The following FAM78A variants were observed in gnomAD, a reference collection of about 807,000 sequenced individuals.
FAM78A encodes protein FAM78A.
In FAM78A, 12 loss-of-function variants were observed where a neutral mutation model predicts 22.6. The ratio of observed to expected loss-of-function variants is 0.53; its 90% CI spans 0.34 to 0.86. FAM78A has a LOEUF of 0.86. Ranked by LOEUF, FAM78A falls within the 40% of genes least tolerant of loss-of-function variation. The pLI, the probability that FAM78A is intolerant of heterozygous loss-of-function variation, is 0.02. For missense variants in FAM78A, 322 were observed against 396.1 expected (o/e 0.81, Z 1.59); for synonymous variants, 151 against 155.8 (o/e 0.97, Z 0.23).
At chr9:131,263,670 A>C (rs1477537780) in intron 1 of FAM78A, 1 of 156,504 alleles carries the variant, frequency 6.4e-6, no homozygotes, top group Admixed American at 6.5e-5. Flanking sequence ...GCTTTACCAT[A>C]ATTTTAAAAA....
rs1339097408 is a variant in FAM78A, at chr9:131,275,628, C to T, written c.323+229G>A. Among the ~76,000 whole-genome samples, 2 of 152,224 alleles carry T rather than the reference C, an allele frequency of 1.3e-5. No individual in the cohort carries two copies. The highest frequency in any genetic ancestry group is 2.9e-5 in the Non-Finnish European group (2 of 68,048). ...GAAGGACACAGGAACCCGGGGGGAA[C>T]AGTGGCAGGGTAGATTGCAGGACCG... On this transcript the variant is annotated intron_variant, in intron 1 of 1. Coordinates refer to ENST00000372271, the MANE Select transcript of FAM78A (RefSeq NM_033387.4). This position sits in a 1 kb window ranked among gnomAD's most constrained non-coding sequence, Gnocchi z 4.6.
rs754847204 is a variant in FAM78A, at chr9:131,260,826, C to A, written c.848G>T (p.Arg283Leu). 1.2e-5 allele frequency: 18 copies of A among 1,516,272 alleles called. No individual in the cohort carries two copies. Among genetic ancestry groups the A allele is most frequent in the Non-Finnish European group, 1.6e-5 (18 of 1,133,110 alleles). 93.9% of individuals were successfully genotyped at this position (1,516,272 alleles called of 1,614,324 possible). The change falls in exon 2 of 2, where the codon CGG (arginine) becomes CTG (leucine). Residue 283 changes from arginine to leucine, a missense_variant. Arg to Leu is a moderately radical substitution (Grantham distance 102). Coordinates refer to ENST00000372271, the MANE Select transcript of FAM78A (RefSeq NM_033387.4). This position sits in a 1 kb window ranked among gnomAD's most constrained non-coding sequence, Gnocchi z 5.4. The stretch of plus-strand genomic sequence containing the variant: ...CCTAGCGGGTGGTCCTGGCTGTCAC[C>A]GGTGCTTGGGCGGGATCACCACCAG... ...QPLVVIPPKH[R>L]
chr9:131,264,771 T>A, intron 1 of FAM78A: 1 of 593,672 alleles, frequency 1.7e-6, no homozygotes, highest in Non-Finnish European at 3.0e-6. Context: ...TCACTCAGGC[T>A]GGAGTGCAGT....
At chr9:131,270,513 AT>A in intron 1 of FAM78A, 1 of 715,392 alleles carries the variant, frequency 1.4e-6, no homozygotes, top group Middle Eastern at 2.3e-4. Flanking sequence ...GGCTGCAGCA[AT>A]CCCTTGGCCA....
At chr9:131,270,415 A>C (rs924336665) in intron 1 of FAM78A, 1 of 717,476 alleles carries the variant, frequency 1.4e-6, no homozygotes, top group African/African-American at 1.7e-5. Context: ...TCAGTATGTA[A>C]CTTGTCATTT....
chr9:131,275,837 T>G lies in FAM78A; in HGVS notation c.323+20A>C, dbSNP rs761226112. The G allele has an allele frequency of 1.5e-5, 24 of 1,554,312 alleles. No individual in the cohort carries two copies. Among genetic ancestry groups the G allele is most frequent in the Non-Finnish European group, 1.8e-5 (21 of 1,148,184 alleles). Reference sequence around the variant, plus strand: ...GGCCATCCCTAGCAGTTCCCAGAGCTGGCTCTCGGCCGTACTCACATGCCC... The same window carrying G: ...GGCCATCCCTAGCAGTTCCCAGAGCGGGCTCTCGGCCGTACTCACATGCCC... On this transcript the variant is annotated intron_variant, in intron 1 of 1. Coordinates refer to ENST00000372271, the MANE Select transcript of FAM78A (RefSeq NM_033387.4). The surrounding 1 kb of genome is among the most constrained non-coding windows in gnomAD (Gnocchi z 4.6).
At chr9:131,279,653 C>CG (rs963521654), upstream of FAM78A, among the ~76,000 whole-genome samples, 1 of 152,170 alleles carries the variant, frequency 6.6e-6, no homozygotes, top group African/African-American at 2.4e-5. Context: ...GGTGATTTCC[C>CG]GGGGGTGGGC....
In FAM78A at chr9:131,264,699, C is replaced by T. The variant is rs1255962333; in HGVS notation, c.324-3349G>A. The T allele has an allele frequency of 5.9e-6, 4 of 674,262 alleles. No individual in the cohort carries two copies. The East Asian group carries it at 1.1e-4, about 18-fold the overall frequency. 41.8% of individuals were successfully genotyped at this position (674,262 alleles called of 1,614,324 possible). A position where few individuals can be genotyped will look rare whatever the true frequency, so the allele number is the denominator to read the frequency against. ...GGTAGCCCTGATTTGACCCAAAGCC[C>T]TAATTTGACCTGAAGCCTTTTCTGA... is the stretch of plus-strand genomic sequence containing the variant. On this transcript the variant is annotated intron_variant, in intron 1 of 1. Coordinates refer to ENST00000372271, the MANE Select transcript of FAM78A (RefSeq NM_033387.4).
chr9:131,259,088 C>T lies in FAM78A; in HGVS notation c.*1734G>A, dbSNP rs1835225971. ...CTGTCACGGAGACTCTTACAAGTGG[C>T]TCATCTGCAGCAGAAATGGATTATT... On this transcript the variant is annotated 3_prime_UTR_variant, in exon 2 of 2. Coordinates refer to ENST00000372271, the MANE Select transcript of FAM78A (RefSeq NM_033387.4). 6.5e-6 allele frequency: 1 copy of T among 152,694 alleles called. No homozygotes were observed. Among genetic ancestry groups the T allele is most frequent in the Non-Finnish European group, 1.5e-5 (1 of 68,054 alleles). 9.5% of individuals were successfully genotyped at this position (152,694 alleles called of 1,614,324 possible).
chr9:131,267,753 T>C (rs917863904), intron 1 of FAM78A, among the ~76,000 whole-genome samples: 1 of 152,158 alleles, frequency 6.6e-6, no homozygotes, highest in African/African-American at 2.4e-5. Context: ...AGATAAAGAC[T>C]TGAGGCTCCA....
intron 1 of FAM78A, among the ~76,000 whole-genome samples, chr9:131,266,103 C>T (rs1350815785): frequency 6.6e-6 from 1 of 152,172 alleles, no homozygotes; most frequent in Admixed American, 6.5e-5. Flanking sequence ...CCATCCTGGA[C>T]TCTCCCTCGC....
At chr9:131,270,230 T>C (rs537921329) in intron 1 of FAM78A, 3 of 714,930 alleles carry the variant, frequency 4.2e-6, no homozygotes, top group African/African-American at 1.8e-5. Context: ...ACCACCGAGC[T>C]GAAGGGCTTG....
At chr9:131,277,473 A>G (rs539324329), upstream of FAM78A, among the ~76,000 whole-genome samples, 766 of 151,486 alleles carry the variant, frequency 5.1e-3, 12 homozygotes, top group African/African-American at 0.018. This position sits in a 1 kb window ranked among gnomAD's most constrained non-coding sequence, Gnocchi z 8.4. Context: ...CCGGGTCCCC[A>G]CGCGTCGGGC....
Position 131,273,631 on chromosome 9 carries a change from A to G in FAM78A, c.323+2226T>C, listed in dbSNP as rs144705015. ...TGACAGAGAAAGACTCGGCCTGGGG[A>G]GAAAATTCACTACACGGTGTGGCTG... is the stretch of plus-strand genomic sequence containing the variant. On this transcript the variant is annotated intron_variant, in intron 1 of 1. Coordinates refer to ENST00000372271, the MANE Select transcript of FAM78A (RefSeq NM_033387.4). Among the ~76,000 whole-genome samples, 17 of 152,358 alleles carry G rather than the reference A, an allele frequency of 1.1e-4. 1 individual carries two copies. Among genetic ancestry groups the G allele is most frequent in the African/African-American group, 3.8e-4 (16 of 41,584 alleles).
Position 131,261,176 on chromosome 9 carries a change from G to T in FAM78A, c.498C>A (p.Val166=), listed in dbSNP as rs748647768. The T allele has an allele frequency of 5.0e-6, 8 of 1,614,150 alleles. No homozygotes were observed. Among genetic ancestry groups the T allele is most frequent in the Non-Finnish European group, 6.8e-6 (8 of 1,180,018 alleles). The change falls in exon 2 of 2, where the codon GTC becomes GTA. Residue 166 remains valine, a synonymous_variant. Transcript: ENST00000372271. This position sits in a 1 kb window ranked among gnomAD's most constrained non-coding sequence, Gnocchi z 7.1. The part of the protein sequence containing the change: ...ISMNDNFYPS[V]TWAVPVSESN... ...TCTCGCTGACGGGCACGGCCCATGT[G>T]ACGCTGGGGTAAAAGTTGTCATTCA...
At chr9:131,269,191 G>A (rs540284861) in intron 1 of FAM78A, among the ~76,000 whole-genome samples, 51 of 151,658 alleles carry the variant, frequency 3.4e-4, no homozygotes, top group African/African-American at 1.2e-3. Flanking sequence ...ATGTACTCTG[G>A]TAAACATCCT....
At chr9:131,271,081 C>T (rs1486792761) in intron 1 of FAM78A, among the ~76,000 whole-genome samples, 2 of 147,804 alleles carry the variant, frequency 1.4e-5, no homozygotes, top group South Asian at 4.4e-4. Flanking sequence ...TCACAGCTCA[C>T]TTGCAGCCTT....
In FAM78A at chr9:131,274,325, T is replaced by A. The variant is rs1042633871; in HGVS notation, c.323+1532A>T. ...AGCCCAAAACCCCGAGGAAAACTTT[T>A]GTTTCTACAACTGTCCCGATGCCTT... On this transcript the variant is annotated intron_variant, in intron 1 of 1. Transcript: ENST00000372271. The surrounding 1 kb of genome is among the most constrained non-coding windows in gnomAD (Gnocchi z 4.2). Among the ~76,000 whole-genome samples the A allele has an allele frequency of 6.6e-6, 1 of 152,174 alleles. No homozygotes were observed. The highest frequency in any genetic ancestry group is 2.1e-4 in the South Asian group (1 of 4,836).
chr9:131,270,576 T>C, intron 1 of FAM78A: 1 of 711,046 alleles, frequency 1.4e-6, no homozygotes, highest in South Asian at 1.5e-5. Context: ...CCCTACTTCC[T>C]CCCACCCCAA....
Sources: gnomAD v4.1 joint callset for allele counts (sites outside exome capture counted in the v4.1 genomes callset) on GRCh38, gnomAD v4.1.1 for gene constraint, Gnocchi (gnomAD v3.1) non-coding constraint, MANE v1.5 for transcripts, NCBI Gene and HGNC (gene_info 2026-07-23, HGNC 2026-07-21) for gene names.